The following CSNK1G3 variants were observed in gnomAD, a reference collection of about 807,000 sequenced individuals.
CSNK1G3 encodes the protein casein kinase 1 gamma 3.
A neutral mutation model predicts 64.3 loss-of-function variants in CSNK1G3; 23 were observed. The ratio of observed to expected loss-of-function variants is 0.36; its 90% CI spans 0.26 to 0.51. CSNK1G3 has a LOEUF of 0.51. Among genes scored for constraint, CSNK1G3 ranks in the 20% least tolerant of loss-of-function variants. The pLI, the probability that CSNK1G3 is intolerant of heterozygous loss-of-function variation, is 0.96. For missense variants in CSNK1G3, 357 were observed against 510.5 expected (o/e 0.70, Z 2.90); for synonymous variants, 158 against 162.2 (o/e 0.97, Z 0.20).
chr5:123,534,077 G>T (rs1780410635), intron 1 of CSNK1G3, among the ~76,000 whole-genome samples: 1 of 151,872 alleles, frequency 6.6e-6, no homozygotes, highest in Admixed American at 6.6e-5. Context: ...TTCATCTACA[G>T]TATGTATTAA....
At chr5:123,615,893 A>G (rs1395550981) in exon 13 of CSNK1G3, 1 of 152,114 alleles carries the variant, frequency 6.6e-6, no homozygotes, top group Non-Finnish European at 1.5e-5. Context: ...AACATTTAAG[A>G]TGTATATTAA....
intron 10 of CSNK1G3, among the ~76,000 whole-genome samples, chr5:123,594,828 T>G (rs1793120870): frequency 6.6e-6 from 1 of 152,220 alleles, no homozygotes; most frequent in South Asian, 2.1e-4. Context: ...TGGTTCTATT[T>G]TATTTTTATT....
intron 10 of CSNK1G3, among the ~76,000 whole-genome samples, chr5:123,593,356 C>T (rs564051795): frequency 3.3e-5 from 5 of 151,960 alleles, no homozygotes; most frequent in Middle Eastern, 3.4e-3. Context: ...ATCTCTAGAC[C>T]ACTAAGCAGC....
chr5:123,541,429 T>C (rs1781656677), intron 1 of CSNK1G3, among the ~76,000 whole-genome samples: 1 of 152,178 alleles, frequency 6.6e-6, no homozygotes, highest in Non-Finnish European at 1.5e-5. Flanking sequence ...TAGTTGTATT[T>C]GTTCATTTAT....
intron 10 of CSNK1G3, chr5:123,595,103 T>C: frequency 6.2e-7 from 1 of 1,613,674 alleles, no homozygotes; most frequent in Non-Finnish European, 8.5e-7. Flanking sequence ...AGAGCTCACC[T>C]TGCAGCAGAC....
chr5:123,596,707 C>G (rs1175467547), intron 10 of CSNK1G3, among the ~76,000 whole-genome samples: 1 of 152,108 alleles, frequency 6.6e-6, no homozygotes, highest in Admixed American at 6.6e-5. Context: ...TTTCAGCGTA[C>G]TGAGACTACA....
chr5:123,551,938 C>T (rs1271059489), intron 2 of CSNK1G3, among the ~76,000 whole-genome samples: 1 of 152,138 alleles, frequency 6.6e-6, no homozygotes, highest in Non-Finnish European at 1.5e-5. Flanking sequence ...AAATTATCTT[C>T]ATATACTTAG....
chr5:123,610,595 G>C (rs931358544), intron 12 of CSNK1G3, among the ~76,000 whole-genome samples: 12 of 152,154 alleles, frequency 7.9e-5, no homozygotes, highest in African/African-American at 1.9e-4. Context: ...ATGTGTTTTA[G>C]GACTTTGATC....
chr5:123,582,649 G>T (rs750732720), intron 6 of CSNK1G3, among the ~76,000 whole-genome samples: 16 of 152,138 alleles, frequency 1.1e-4, no homozygotes, highest in Admixed American at 6.5e-4. Context: ...CATAGCAAGA[G>T]TTCTTATAAT....
intron 4 of CSNK1G3, 119 bp downstream of exon 4, chr5:123,557,683 A>C (rs925541324): frequency 6.2e-6 from 4 of 642,788 alleles, no homozygotes; most frequent in Admixed American, 3.6e-5. Flanking sequence ...TATGTTTACT[A>C]TACGTTTTCT....
intron 1 of CSNK1G3, among the ~76,000 whole-genome samples, chr5:123,536,236 G>A (rs1284140292): frequency 6.6e-6 from 1 of 152,016 alleles, no homozygotes; most frequent in African/African-American, 2.4e-5. Context: ...AGGTGGGATG[G>A]AAGACAAGGG....
At chr5:123,531,107 T>G (rs1354547360) in intron 1 of CSNK1G3, among the ~76,000 whole-genome samples, 1 of 152,136 alleles carries the variant, frequency 6.6e-6, no homozygotes. Flanking sequence ...TTTGGAGGTT[T>G]TCATTTGAGA....
At chr5:123,558,439 G>A (rs1785034774) in intron 4 of CSNK1G3, among the ~76,000 whole-genome samples, 1 of 152,030 alleles carries the variant, frequency 6.6e-6, no homozygotes. Flanking sequence ...AATTTTACTT[G>A]TATAGCTTCT....
chr5:123,591,645 G>T (rs6595463), intron 10 of CSNK1G3, among the ~76,000 whole-genome samples: 1 of 151,778 alleles, frequency 6.6e-6, no homozygotes, highest in Non-Finnish European at 1.5e-5. Context: ...GTGATATTCT[G>T]TTAGAATGGA....
intron 1 of CSNK1G3, among the ~76,000 whole-genome samples, chr5:123,526,412 CCAGA>C (rs1431014673): frequency 2.0e-5 from 3 of 151,668 alleles, no homozygotes; most frequent in Non-Finnish European, 4.4e-5. Flanking sequence ...TAGTGGGTGG[CCAGA>C]CAGTTTTGTT....
rs758888565 is a variant in CSNK1G3 at position 123,604,837 on chromosome 5, G to A, written c.1193+7G>A. On this transcript the variant is annotated splice_region_variant and intron_variant, in intron 11 of 12. Transcript: ENST00000345990. Reference sequence around the variant, plus strand: ...AAGTGATGGATGAAACCAAGTATGTGTTTGTTTTACTTGTTTTAGTAACTT... The same window carrying A: ...AAGTGATGGATGAAACCAAGTATGTATTTGTTTTACTTGTTTTAGTAACTT... 2.5e-6 allele frequency: 4 copies of A among 1,579,138 alleles called. No individual in the cohort carries two copies. The South Asian group carries it at 4.6e-5, about 18-fold the overall frequency.
chr5:123,529,133 TAAAC>T (rs1779523021), intron 1 of CSNK1G3, among the ~76,000 whole-genome samples: 1 of 152,178 alleles, frequency 6.6e-6, no homozygotes, highest in Non-Finnish European at 1.5e-5. Flanking sequence ...ATGTGTTAAA[TAAAC>T]TGAGTTCAGG....
rs190125010 is a variant in CSNK1G3, at chr5:123,566,160, A to G, written c.290-7233A>G. 7.9e-5 allele frequency among the ~76,000 whole-genome samples: 12 copies of G among 152,330 alleles called. No individual in the cohort carries two copies. In the East Asian group the frequency reaches 1.9e-3, roughly 25 times the overall value. On this transcript the variant is annotated intron_variant, in intron 4 of 12. Coordinates refer to ENST00000345990, the Ensembl canonical transcript of CSNK1G3. ...AAGCAGTCTTTAATAGTTTCTGTGT[A>G]TTACTGTTGTGTGACCTAATTTTGT... is the stretch of plus-strand genomic sequence containing the variant.
chr5:123,613,131 A>G (rs968687835), intron 12 of CSNK1G3, among the ~76,000 whole-genome samples: 1 of 151,682 alleles, frequency 6.6e-6, no homozygotes, highest in African/African-American at 2.4e-5. Context: ...CCATACCTTC[A>G]TGCCTTTATT....
Sources: gnomAD v4.1 joint callset for allele counts (sites outside exome capture counted in the v4.1 genomes callset) on GRCh38, gnomAD v4.1.1 for gene constraint, MANE v1.5 for transcripts, NCBI Gene and HGNC (gene_info 2026-07-23, HGNC 2026-07-21) for gene names.